The following DNAJA2 variants were observed in gnomAD, a reference collection of about 807,000 sequenced individuals.
DNAJA2 encodes dnaJ homolog subfamily A member 2.
In DNAJA2, 6 loss-of-function variants were observed where a neutral mutation model predicts 49.3. The observed-to-expected ratio is 0.12, with a 90% CI of 0.07 to 0.24. The LOEUF is 0.24. DNAJA2 is among the 10% of genes least tolerant of loss of function. The pLI is 1.00. For missense variants in DNAJA2, 347 were observed against 516.8 expected, an observed-to-expected ratio of 0.67 and a Z score of 3.19; for synonymous variants, 160 against 172.7, an observed-to-expected ratio of 0.93 and a Z score of 0.58.
chr16:46,963,666 C>T (rs1481593018), intron 6 of DNAJA2, among the ~76,000 whole-genome samples: 1 of 152,128 alleles, frequency 6.6e-6, no homozygotes, highest in Admixed American at 6.5e-5. Context: ...CACCACTGTA[C>T]TCCAGCCAGG....
chr16:46,965,992 G>A (rs1235672382), intron 5 of DNAJA2, among the ~76,000 whole-genome samples: 1 of 151,992 alleles, frequency 6.6e-6, no homozygotes, highest in Non-Finnish European at 1.5e-5. Flanking sequence ...GGGAGGCTGG[G>A]GCAGGAGAAT....
At chr16:46,964,504 T>TG in intron 6 of DNAJA2, 107 bp downstream of exon 6, 1 of 1,031,060 alleles carries the variant, frequency 9.7e-7, no homozygotes, top group Non-Finnish European at 1.4e-6. Context: ...ACTTCACCAG[T>TG]GTTCAGTGTT....
At chr16:46,972,046 T>C (rs1962059235) in intron 1 of DNAJA2, 91 bp from the exon 2 acceptor site, 11 of 900,406 alleles carry the variant, frequency 1.2e-5, no homozygotes, top group Middle Eastern at 3.0e-4. Context: ...TGAGAAGTAA[T>C]GTTCTAGAGT....
At chr16:46,958,782 A>C (rs1447552779) in intron 8 of DNAJA2, 1 of 441,798 alleles carries the variant, frequency 2.3e-6, no homozygotes, top group Non-Finnish European at 4.0e-6. Context: ...GTGTCTCAAA[A>C]AATTTTTTTT....
rs1961797055 is a variant in DNAJA2 at position 46,955,559 on chromosome 16, T to C, written c.*1470A>G. The C allele has an allele frequency of 6.6e-6, 1 of 152,242 alleles. No individual in the cohort carries two copies. The highest frequency in any genetic ancestry group is 2.4e-5 in the African/African-American group (1 of 41,460). 9.4% of individuals were successfully genotyped at this position (152,242 alleles called of 1,614,324 possible). On this transcript the variant is annotated 3_prime_UTR_variant, in exon 9 of 9. Coordinates refer to ENST00000317089, the MANE Select transcript of DNAJA2 (RefSeq NM_005880.4). ...GTCAATAATTTAAACCTCACAGGAC[T>C]TGATTAGTGTCAGCACACCTTTTTT...
rs1962092488 is a variant in DNAJA2 at position 46,973,646 on chromosome 16, C to T, written c.-74G>A. The T allele has an allele frequency of 2.0e-6, 3 of 1,499,144 alleles. No individual in the cohort carries two copies. The highest frequency in any genetic ancestry group is 2.3e-5 in the South Asian group (2 of 85,286). The allele number at this position is 1,499,144 out of a possible 1,614,324, so 92.9% of individuals were successfully genotyped here. A position where few individuals can be genotyped will look rare whatever the true frequency, so the allele number is the denominator to read the frequency against. ...GCGGAGTCGGGCCCACAAGCGGCGT[C>T]GGCGGCGGCACAGGCCGAGGGAGAC... On this transcript the variant is annotated 5_prime_UTR_variant, in exon 1 of 9. Transcript: ENST00000317089.
intron 3 of DNAJA2, among the ~76,000 whole-genome samples, chr16:46,970,334 G>A (rs186595707): frequency 5.4e-4 from 82 of 152,356 alleles, no homozygotes; most frequent in African/African-American, 1.9e-3. Flanking sequence ...AACCAACTCA[G>A]AAGAGTTCAC....
rs1961822299 is a variant in DNAJA2, at chr16:46,956,831, G to A, written c.*198C>T. ...AAGTGCTTTATTCTGCTATGGAACA[G>A]TCAAAATGAAGATGTAAAGCTTTGT... On this transcript the variant is annotated 3_prime_UTR_variant, in exon 9 of 9. Coordinates refer to ENST00000317089, the MANE Select transcript of DNAJA2 (RefSeq NM_005880.4). 1 of 606,272 alleles carries A rather than the reference G, an allele frequency of 1.6e-6. No homozygotes were observed. The highest frequency in any genetic ancestry group is 3.0e-5 in the Admixed American group (1 of 32,960). 37.6% of individuals were successfully genotyped at this position (606,272 alleles called of 1,614,324 possible). A position where few individuals can be genotyped will look rare whatever the true frequency, so the allele number is the denominator to read the frequency against.
In DNAJA2 at chr16:46,967,934, C is replaced by T. The variant is rs966419349; in HGVS notation, c.443+150G>A. On this transcript the variant is annotated intron_variant, in intron 4 of 8. Coordinates refer to ENST00000317089, the MANE Select transcript of DNAJA2 (RefSeq NM_005880.4). ...CCTACCTCAGGTGATCCACCCGACT[C>T]GGCCTCCCAAAGTGCTGGGATTTCA... 1.5e-5 allele frequency: 12 copies of T among 813,658 alleles called. No individual in the cohort carries two copies. The Admixed American group carries it at 2.2e-4, about 15-fold the overall frequency. The allele number at this position is 813,658 out of a possible 1,614,324, so 50.4% of individuals were successfully genotyped here.
intron 7 of DNAJA2, 26 bp from the exon 8 acceptor site, chr16:46,959,156 T>C (rs746198612): frequency 5.7e-6 from 9 of 1,582,184 alleles, no homozygotes; most frequent in Non-Finnish European, 7.7e-6. Context: ...AAATGATTAA[T>C]AATTTTACCC....
At chr16:46,963,148 C>A (rs906821448) in intron 6 of DNAJA2, among the ~76,000 whole-genome samples, 18 of 152,042 alleles carry the variant, frequency 1.2e-4, no homozygotes, top group African/African-American at 4.3e-4. Flanking sequence ...AATTTTAGGG[C>A]AAACTAAAAA....
At chr16:46,963,955 G>C (rs572763899) in intron 6 of DNAJA2, among the ~76,000 whole-genome samples, 32 of 152,270 alleles carry the variant, frequency 2.1e-4, no homozygotes, top group Admixed American at 7.2e-4. Context: ...TATGGTTAAA[G>C]TGTTAGTCAA....
chr16:46,957,973 T>C (rs1341776944), intron 8 of DNAJA2, among the ~76,000 whole-genome samples: 1 of 152,068 alleles, frequency 6.6e-6, no homozygotes. Flanking sequence ...CAATACCCCA[T>C]TTCCTAACAA....
chr16:46,956,967 T>G lies in DNAJA2; in HGVS notation c.*62A>C, dbSNP rs1279203364. 2.5e-6 allele frequency: 4 copies of G among 1,580,570 alleles called. No individual in the cohort carries two copies. The highest frequency in any genetic ancestry group is 3.3e-5 in the Admixed American group (2 of 59,928). Reference sequence around the variant, plus strand: ...GATTGATAAGACACTCCAGCTGGATTGCTGAGAACAAATCAGGCAAATGTG... The same window carrying G: ...GATTGATAAGACACTCCAGCTGGATGGCTGAGAACAAATCAGGCAAATGTG... On this transcript the variant is annotated 3_prime_UTR_variant, in exon 9 of 9. Transcript: ENST00000317089.
rs1961797796 is a variant in DNAJA2, at chr16:46,955,648, G to A, written c.*1381C>T. On this transcript the variant is annotated 3_prime_UTR_variant, in exon 9 of 9. Transcript: ENST00000317089. ...CTACAAATACTAGATTTAGGCTCAG[G>A]GATGGCATTTAATACATTTAAAATT... 6.6e-6 allele frequency: 1 copy of A among 152,058 alleles called. No individual in the cohort carries two copies. The highest frequency in any genetic ancestry group is 6.6e-5 in the Admixed American group (1 of 15,258). 9.4% of individuals were successfully genotyped at this position (152,058 alleles called of 1,614,324 possible).
rs1441536897 is a variant in DNAJA2 at position 46,959,145 on chromosome 16, G to A, written c.920-15C>T. ...ACGAACACACCCTATTATTTAAGAG[G>A]AAATGATTAATAATTTTACCCAAAA... is the stretch of plus-strand genomic sequence containing the variant. On this transcript the variant is annotated splice_polypyrimidine_tract_variant and intron_variant, in intron 7 of 8. Transcript: ENST00000317089. The A allele has an allele frequency of 2.5e-6, 4 of 1,586,710 alleles. No homozygotes were observed. The highest frequency in any genetic ancestry group is 1.8e-5 in the Admixed American group (1 of 54,882).
At chr16:46,960,547 A>G (rs1236769282) in intron 6 of DNAJA2, among the ~76,000 whole-genome samples, 2 of 152,052 alleles carry the variant, frequency 1.3e-5, no homozygotes, top group African/African-American at 4.8e-5. Context: ...TTGGGAGGCC[A>G]AGGCAGGCGG....
chr16:46,969,824 TATAGC>T (rs1425960008), intron 3 of DNAJA2, among the ~76,000 whole-genome samples: 1 of 152,242 alleles, frequency 6.6e-6, no homozygotes, highest in Non-Finnish European at 1.5e-5. Context: ...ACTTTCACTA[TATAGC>T]ATAACTTTTT....
chr16:46,973,363 G>A (rs1962085449), intron 1 of DNAJA2, 132 bp downstream of exon 1: 5 of 757,812 alleles, frequency 6.6e-6, no homozygotes, highest in Non-Finnish European at 8.7e-6. Context: ...CGCCGCCGCC[G>A]ACTCCCAGCC....
Sources: gnomAD v4.1 joint callset for allele counts (sites outside exome capture counted in the v4.1 genomes callset) on GRCh38, gnomAD v4.1.1 for gene constraint, MANE v1.5 for transcripts, NCBI Gene and HGNC (gene_info 2026-07-23, HGNC 2026-07-21) for gene names.